The following SNTG2 variants were observed in gnomAD, a reference collection of about 807,000 sequenced individuals.
SNTG2 encodes syntrophin gamma 2, also known as gamma-2-syntrophin.
Under a neutral mutation model 70.9 loss-of-function variants are expected in SNTG2, and 74 were observed. That is an observed-to-expected ratio of 1.04 (90% CI 0.86 to 1.27). SNTG2 has a LOEUF of 1.27. Ranked by LOEUF, SNTG2 falls within the 50% of genes most tolerant of loss-of-function variation. SNTG2 has a pLI of 0.00. For missense variants in SNTG2, 717 were observed against 690.7 expected (o/e 1.04, Z -0.43); for synonymous variants, 278 against 273.8 (o/e 1.02, Z -0.15).
At chr2:1,221,445 CTCTG>C (rs1674819321) in intron 9 of SNTG2, among the ~76,000 whole-genome samples, 1 of 105,254 alleles carries the variant, frequency 9.5e-6, no homozygotes, top group African/African-American at 3.9e-5. Context: ...CTGTCTCTGT[CTCTG>C]TCTCTCTCTG....
chr2:1,032,972 G>A (rs1006822102), intron 1 of SNTG2, among the ~76,000 whole-genome samples: 1 of 152,148 alleles, frequency 6.6e-6, no homozygotes, highest in Admixed American at 6.5e-5. Flanking sequence ...TGCAAAGCTG[G>A]GGCAGTCATG....
At chr2:1,325,433 T>C (rs1215521790) in intron 16 of SNTG2, among the ~76,000 whole-genome samples, 1 of 152,240 alleles carries the variant, frequency 6.6e-6, no homozygotes, top group Non-Finnish European at 1.5e-5. Flanking sequence ...CAAAAAGTTA[T>C]ACAAGTTATT....
chr2:1,284,945 C>A (rs889250357), intron 14 of SNTG2, among the ~76,000 whole-genome samples: 2 of 151,118 alleles, frequency 1.3e-5, no homozygotes, highest in Non-Finnish European at 2.9e-5. Context: ...TTTTACAACT[C>A]TATATAAATA....
intron 1 of SNTG2, among the ~76,000 whole-genome samples, chr2:1,076,894 T>A (rs986118256): frequency 1.3e-5 from 2 of 152,228 alleles, no homozygotes; most frequent in African/African-American, 4.8e-5. Flanking sequence ...ATTAATGTTT[T>A]GAAACCCTAT....
intron 15 of SNTG2, 69 bp from the exon 16 acceptor site, chr2:1,316,193 TGTA>T: frequency 1.4e-6 from 1 of 695,412 alleles, no homozygotes; most frequent in South Asian, 2.0e-5. Flanking sequence ...GGCTGTTTAA[TGTA>T]GTAACAGATG....
intron 1 of SNTG2, among the ~76,000 whole-genome samples, chr2:997,835 C>T (rs1235118883): frequency 6.6e-6 from 1 of 152,210 alleles, no homozygotes; most frequent in Non-Finnish European, 1.5e-5. Flanking sequence ...ACCACCACAA[C>T]TGGCCCTTAC....
intron 4 of SNTG2, among the ~76,000 whole-genome samples, chr2:1,106,070 T>G (rs1666114840): frequency 6.9e-6 from 1 of 145,442 alleles, no homozygotes; most frequent in Non-Finnish European, 1.5e-5. Flanking sequence ...TTGGTAATAG[T>G]GGACACCTGC....
intron 8 of SNTG2, among the ~76,000 whole-genome samples, chr2:1,204,778 G>A (rs1210871630): frequency 6.6e-6 from 1 of 152,010 alleles, no homozygotes; most frequent in African/African-American, 2.4e-5. Flanking sequence ...GTGTGTATAG[G>A]AAAAAAGCAT....
chr2:1,016,985 T>G (rs898020250), intron 1 of SNTG2, among the ~76,000 whole-genome samples: 3 of 152,306 alleles, frequency 2.0e-5, no homozygotes, highest in Admixed American at 6.5e-5. Context: ...AGAGGTTCAG[T>G]TGGCCAGGGT....
rs1364224810 is a variant in SNTG2, at chr2:1,367,575, T to C, written c.*101T>C. ...TTTGTGTTGTTTTATGATGAGCCTA[T>C]AGTTGTGATACCAATAAAACATGTC... On this transcript the variant is annotated 3_prime_UTR_variant, in exon 17 of 17. Coordinates refer to ENST00000308624, the MANE Select transcript of SNTG2 (RefSeq NM_018968.4). 5 of 1,357,712 alleles carry C rather than the reference T, an allele frequency of 3.7e-6. No homozygotes were observed. The East Asian group carries it at 1.3e-4, about 35-fold the overall frequency. The allele number at this position is 1,357,712 out of a possible 1,614,324, so 84.1% of individuals were successfully genotyped here. A position where few individuals can be genotyped will look rare whatever the true frequency, so the allele number is the denominator to read the frequency against.
chr2:986,107 G>GAGAGAT (rs1553304950), intron 1 of SNTG2, among the ~76,000 whole-genome samples: 32 of 144,062 alleles, frequency 2.2e-4, no homozygotes, highest in Non-Finnish European at 4.1e-4. Context: ...GAGAGAGAGA[G>GAGAGAT]AGATCAGAGG....
At chr2:1,251,625 C>T (rs528265396) in intron 12 of SNTG2, among the ~76,000 whole-genome samples, 3 of 141,796 alleles carry the variant, frequency 2.1e-5, no homozygotes, top group East Asian at 2.1e-4. Flanking sequence ...CCACACACAC[C>T]GCACACACAC....
chr2:1,010,873 G>T (rs531716472), intron 1 of SNTG2, among the ~76,000 whole-genome samples: 6 of 152,336 alleles, frequency 3.9e-5, no homozygotes, highest in Admixed American at 3.3e-4. Flanking sequence ...AATGCAGAAA[G>T]GGAAGCACTT....
intron 8 of SNTG2, among the ~76,000 whole-genome samples, chr2:1,194,040 A>G (rs1672756472): frequency 1.3e-5 from 2 of 152,228 alleles, no homozygotes; most frequent in African/African-American, 4.8e-5. Context: ...TATGCACTGG[A>G]CCAGGTGTGC....
rs150477086 is a variant in SNTG2, at chr2:1,294,543, A to G, written c.1285-13951A>G. The stretch of plus-strand genomic sequence containing the variant: ...GGACAGATGATCCAATTTATATTTA[A>G]AAAGTAGAAACTGGTTAAGATTAAA... On this transcript the variant is annotated intron_variant, in intron 14 of 16. Transcript: ENST00000308624. Among the ~76,000 whole-genome samples, 681 of 152,322 alleles carry G rather than the reference A, an allele frequency of 4.5e-3. 6 individuals are homozygous for G. Among genetic ancestry groups the G allele is most frequent in the African/African-American group, 0.015 (639 of 41,568 alleles).
intron 13 of SNTG2, among the ~76,000 whole-genome samples, chr2:1,260,323 T>A (rs1678349963): frequency 6.6e-6 from 1 of 152,204 alleles, no homozygotes; most frequent in South Asian, 2.1e-4. Context: ...AATGGAAACA[T>A]GTACAAGGGA....
chr2:1,134,193 G>A (rs1668208993), intron 4 of SNTG2, among the ~76,000 whole-genome samples: 1 of 152,152 alleles, frequency 6.6e-6, no homozygotes, highest in South Asian at 2.1e-4. Context: ...CAAAGAGTGA[G>A]CAGCAGCAAA....
chr2:1,139,161 A>G (rs566330440), intron 6 of SNTG2, among the ~76,000 whole-genome samples: 1 of 152,206 alleles, frequency 6.6e-6, no homozygotes, highest in Admixed American at 6.5e-5. Flanking sequence ...ACACACCTTC[A>G]TGACTTCTAT....
intron 8 of SNTG2, 105 bp downstream of exon 8, chr2:1,173,288 T>G: frequency 9.4e-7 from 1 of 1,063,838 alleles, no homozygotes; most frequent in Non-Finnish European, 1.4e-6. Context: ...CCAGTGAAGA[T>G]AATTGTGTTA....
Sources: gnomAD v4.1 joint callset for allele counts (sites outside exome capture counted in the v4.1 genomes callset) on GRCh38, gnomAD v4.1.1 for gene constraint, MANE v1.5 for transcripts, NCBI Gene and HGNC (gene_info 2026-07-23, HGNC 2026-07-21) for gene names.